ATP6V0D1: variants seen among roughly 807,000 people sequenced by gnomAD.
The protein encoded by ATP6V0D1 is V-type proton ATPase subunit d 1.
ATP6V0D1 carries 13 observed loss-of-function variants against 39.0 expected under a neutral mutation model. The ratio of observed to expected loss-of-function variants is 0.33; its 90% confidence interval spans 0.22 to 0.53. The LOEUF (loss-of-function observed/expected upper bound fraction) is 0.53. ATP6V0D1 is among the 20% of genes least tolerant of loss of function. ATP6V0D1 has a pLI of 0.94. For missense variants in ATP6V0D1, 272 were observed against 470.9 expected, an observed-to-expected ratio of 0.58 and a Z score of 3.91; for synonymous variants, 191 against 191.2, an observed-to-expected ratio of 1.00 and a Z score of 0.01.
At chr16:67,450,076 C>T (rs2041161268) in intron 2 of ATP6V0D1, among the ~76,000 whole-genome samples, 1 of 152,210 alleles carries the variant, frequency 6.6e-6, no homozygotes, top group Non-Finnish European at 1.5e-5. Flanking sequence ...GCAGTCAGGG[C>T]ACTGTTCCCT....
chr16:67,454,896 T>G (rs1248700290), intron 1 of ATP6V0D1: 2 of 152,320 alleles, frequency 1.3e-5, no homozygotes, highest in Non-Finnish European at 2.9e-5. Flanking sequence ...CCCCGTCCCC[T>G]GGCCTGAAAG....
intron 1 of ATP6V0D1, chr16:67,457,763 C>T: frequency 7.8e-6 from 5 of 639,354 alleles, no homozygotes; most frequent in Non-Finnish European, 1.2e-5. Context: ...AGCAAACACC[C>T]CTGTGCCTTG....
intron 1 of ATP6V0D1, chr16:67,458,925 C>T: frequency 2.4e-6 from 1 of 415,192 alleles, no homozygotes; most frequent in Non-Finnish European, 3.2e-6. Context: ...CCTTCTGCCC[C>T]ACATCTTGGC....
At chr16:67,455,308 C>A (rs549110427) in intron 1 of ATP6V0D1, 1 of 152,292 alleles carries the variant, frequency 6.6e-6, no homozygotes, top group African/African-American at 2.4e-5. Flanking sequence ...GCTTAGGGGA[C>A]CCCTGTGATG....
intron 1 of ATP6V0D1, among the ~76,000 whole-genome samples, chr16:67,474,858 C>A (rs1043061550): frequency 2.6e-5 from 4 of 152,202 alleles, no homozygotes; most frequent in African/African-American, 9.7e-5. Flanking sequence ...CTACATGCCA[C>A]CATCATTTCA....
At chr16:67,473,252 G>GCTGTTCATTTGCCATACAATTTGCC (rs2041389245) in intron 1 of ATP6V0D1, among the ~76,000 whole-genome samples, 4 of 152,128 alleles carry the variant, frequency 2.6e-5, no homozygotes, top group Non-Finnish European at 5.9e-5. Flanking sequence ...GCTTTACTGA[G>GCTGTTCATTTGCCATACAATTTGCC]ATATAATTCA....
At chr16:67,449,819 G>C (rs2041157796) in intron 2 of ATP6V0D1, among the ~76,000 whole-genome samples, 1 of 152,252 alleles carries the variant, frequency 6.6e-6, no homozygotes, top group African/African-American at 2.4e-5. Flanking sequence ...CTGGCCCAGA[G>C]CAGGTACTGG....
rs2041237873 is a variant in ATP6V0D1, at chr16:67,456,332, G to C, written c.131-2617C>G. On this transcript the variant is annotated intron_variant, in intron 1 of 7. Transcript: ENST00000290949. This position sits in a 1 kb window ranked among gnomAD's most constrained non-coding sequence, Gnocchi z 4.1. Reference sequence around the variant, plus strand: ...AAACATGGTTTATTTGTACAAAACTGAGAGATTGTTAATGCCCCTGATGTG... The same window carrying C: ...AAACATGGTTTATTTGTACAAAACTCAGAGATTGTTAATGCCCCTGATGTG... 6.6e-6 allele frequency: 1 copy of C among 152,188 alleles called. No individual in the cohort carries two copies. The highest frequency in any genetic ancestry group is 2.1e-4 in the South Asian group (1 of 4,834). 9.4% of individuals were successfully genotyped at this position (152,188 alleles called of 1,614,324 possible).
At chr16:67,471,321 G>C (rs1374364802) in intron 1 of ATP6V0D1, among the ~76,000 whole-genome samples, 1 of 152,044 alleles carries the variant, frequency 6.6e-6, no homozygotes, top group Non-Finnish European at 1.5e-5. Flanking sequence ...CCAAGTAGCT[G>C]GGGATTACAG....
chr16:67,473,870 G>C (rs2041394683), intron 1 of ATP6V0D1, among the ~76,000 whole-genome samples: 1 of 152,138 alleles, frequency 6.6e-6, no homozygotes, highest in South Asian at 2.1e-4. Flanking sequence ...ATGTTGGCCA[G>C]GCTGGTATCG....
chr16:67,468,356 G>A (rs1271897748), intron 1 of ATP6V0D1, among the ~76,000 whole-genome samples: 1 of 152,152 alleles, frequency 6.6e-6, no homozygotes, highest in East Asian at 1.9e-4. Context: ...GGGAGGCCAA[G>A]GCAAGAAGAT....
At chr16:67,450,024 GGTCCCAACCTCT>G (rs2142308963) in intron 2 of ATP6V0D1, among the ~76,000 whole-genome samples, 1 of 152,342 alleles carries the variant, frequency 6.6e-6, no homozygotes, top group South Asian at 2.1e-4. Flanking sequence ...CCTCTGTAAT[GGTCCCAACCTCT>G]GTCCCTAGCT....
At position 67,464,645 on chromosome 16, in the gene ATP6V0D1, T is replaced by C. The variant is rs2041315239; in HGVS notation, c.131-10930A>G. 2.0e-5 allele frequency among the ~76,000 whole-genome samples: 3 copies of C among 152,122 alleles called. No individual in the cohort carries two copies. In the South Asian group the frequency reaches 6.2e-4, roughly 32 times the overall value. Reference sequence around the variant, plus strand: ...ACCCTGGGGCTGTGGAGCCTCTGAGTGGCCACCAGCACAGGGACAAGGGCA... The same window carrying C: ...ACCCTGGGGCTGTGGAGCCTCTGAGCGGCCACCAGCACAGGGACAAGGGCA... On this transcript the variant is annotated intron_variant, in intron 1 of 7. Transcript: ENST00000290949.
chr16:67,442,701 T>A (rs1381400370), intron 4 of ATP6V0D1, among the ~76,000 whole-genome samples: 5 of 152,048 alleles, frequency 3.3e-5, no homozygotes, highest in African/African-American at 4.8e-5. Context: ...CCCCCCACCA[T>A]AAGTGAGCAC....
Position 67,438,540 on chromosome 16 carries a change from G to A in ATP6V0D1, c.1044C>T (p.Ile348=). 2.5e-6 allele frequency: 4 copies of A among 1,614,208 alleles called. No individual in the cohort carries two copies. The highest frequency in any genetic ancestry group is 3.4e-6 in the Non-Finnish European group (4 of 1,180,040). Residue 348 remains isoleucine (I), a synonymous_variant, in exon 8 of 8, where the codon ATC becomes ATT. Transcript: ENST00000290949. ...TTGGGCCAGGACGCTAGAAGATAGG[G>A]ATGTAGTTGTCGATTTTGGCGCGGT... ...QRHRAKIDNY[I]PIF
intron 1 of ATP6V0D1, 50 bp downstream of exon 1, chr16:67,480,907 C>T (rs956334195): frequency 3.1e-6 from 5 of 1,606,296 alleles, no homozygotes; most frequent in South Asian, 1.1e-5. Flanking sequence ...ACCTCTGAAC[C>T]CTCAGGCCCC....
rs201730993 is a variant in ATP6V0D1 at position 67,438,318 on chromosome 16, TG to T, written c.*209del. 5.2e-3 allele frequency: 2,901 copies of T among 562,830 alleles called. 3 individuals are homozygous for T. Among genetic ancestry groups the T allele is most frequent in the East Asian group, 7.2e-3 (225 of 31,380 alleles). The allele number at this position is 562,830 out of a possible 1,614,324, so 34.9% of individuals were successfully genotyped here. ...GGAGGGGGTCTTCGTCCATCCTTGG[TG>T]GGGGGGGGTGCCCAGCCCCTTTTCA... On this transcript the variant is annotated 3_prime_UTR_variant, in exon 8 of 8. Transcript: ENST00000290949.
chr16:67,472,485 G>A (rs1319838656), intron 1 of ATP6V0D1, among the ~76,000 whole-genome samples: 1 of 152,204 alleles, frequency 6.6e-6, no homozygotes, highest in South Asian at 2.1e-4. Flanking sequence ...TTAGGACTGA[G>A]CTAAGCTCAT....
chr16:67,478,385 G>C (rs1197145607), intron 1 of ATP6V0D1, among the ~76,000 whole-genome samples: 1 of 152,120 alleles, frequency 6.6e-6, no homozygotes, highest in Non-Finnish European at 1.5e-5. Context: ...GGCCAAGGTG[G>C]GTGGATCACT....
Sources: allele counts gnomAD v4.1 joint callset (sites outside exome capture counted in the v4.1 genomes callset), GRCh38; gene constraint gnomAD v4.1.1; non-coding constraint Gnocchi (gnomAD v3.1); transcripts MANE v1.5; gene names NCBI Gene and HGNC (gene_info 2026-07-23, HGNC 2026-07-21).